CDH20: variants seen among roughly 807,000 people sequenced by gnomAD.
CDH20 encodes the protein cadherin-20.
CDH20 carries 29 observed loss-of-function variants against 74.2 expected under a neutral mutation model. The observed-to-expected ratio is 0.39, with a 90% CI of 0.29 to 0.53. The LOEUF (loss-of-function observed/expected upper bound fraction) is 0.53. Among genes scored for constraint, CDH20 ranks in the 20% least tolerant of loss-of-function variants. The pLI, the probability that CDH20 is intolerant of heterozygous loss-of-function variation, is 0.69. For missense variants in CDH20, 988 were observed against 1,048.3 expected, an observed-to-expected ratio of 0.94 and a Z score of 0.79; for synonymous variants, 469 against 405.4, an observed-to-expected ratio of 1.16 and a Z score of -1.88.
intron 8 of CDH20, among the ~76,000 whole-genome samples, chr18:61,536,832 A>G (rs142766133): frequency 5.3e-5 from 8 of 152,214 alleles, no homozygotes; most frequent in African/African-American, 1.7e-4. Flanking sequence ...GCTAGAGATA[A>G]AAGCAAACAA....
At chr18:61,538,581 T>TG (rs142450484) in intron 8 of CDH20, among the ~76,000 whole-genome samples, 28,051 of 46,682 alleles carry the variant, frequency 0.6, 8,799 homozygotes, top group East Asian at 0.78. Context: ...ATAACTACTT[T>TG]TTGTTTGTTT....
At chr18:61,342,291 G>T (rs138762980) in intron 1 of CDH20, among the ~76,000 whole-genome samples, 1 of 152,240 alleles carries the variant, frequency 6.6e-6, no homozygotes, top group African/African-American at 2.4e-5. Context: ...ATACCTCTCT[G>T]CCAGACACTG....
At chr18:61,438,767 A>G (rs1209074409) in intron 1 of CDH20, among the ~76,000 whole-genome samples, 3 of 152,176 alleles carry the variant, frequency 2.0e-5, no homozygotes, top group African/African-American at 7.2e-5. Flanking sequence ...TATATTCAAA[A>G]GAAAATAAAT....
intron 11 of CDH20, among the ~76,000 whole-genome samples, chr18:61,552,310 G>A (rs2144415269): frequency 6.7e-6 from 1 of 150,070 alleles, no homozygotes. Flanking sequence ...CCTTTCAGCT[G>A]AATAAGACCA....
chr18:61,500,372 CT>C lies in CDH20; in HGVS notation c.542-10del. 6.2e-7 allele frequency: 1 copy of C among 1,611,034 alleles called. No individual in the cohort carries two copies. The highest frequency in any genetic ancestry group is 8.5e-7 in the Non-Finnish European group (1 of 1,178,122). On this transcript the variant is annotated splice_polypyrimidine_tract_variant and intron_variant, in intron 3 of 11. Coordinates refer to ENST00000262717, the MANE Select transcript of CDH20 (RefSeq NM_031891.4). ...AGACTTGAACAGGTTTCTACCTCTT[CT>C]CTTCCCCAGGTACCTCCGTCATCCA...
At chr18:61,508,632 T>C (rs1469887222) in intron 6 of CDH20, among the ~76,000 whole-genome samples, 3 of 151,780 alleles carry the variant, frequency 2.0e-5, no homozygotes, top group Non-Finnish European at 4.4e-5. Flanking sequence ...CTATTATTAT[T>C]ATTATTATTA....
intron 1 of CDH20, among the ~76,000 whole-genome samples, chr18:61,447,824 G>A (rs764619216): frequency 6.6e-6 from 1 of 152,082 alleles, no homozygotes; most frequent in Non-Finnish European, 1.5e-5. Flanking sequence ...ATATACATGA[G>A]GTTACTCCTT....
At chr18:61,360,588 A>T (rs1182155012) in intron 1 of CDH20, among the ~76,000 whole-genome samples, 1 of 152,210 alleles carries the variant, frequency 6.6e-6, no homozygotes, top group Non-Finnish European at 1.5e-5. Context: ...TGTGCAAAGC[A>T]CTGAGGAGGC....
At chr18:61,400,838 G>A (rs986446985) in intron 1 of CDH20, among the ~76,000 whole-genome samples, 3 of 152,178 alleles carry the variant, frequency 2.0e-5, no homozygotes, top group African/African-American at 7.2e-5. Context: ...TCAGTCTTTG[G>A]TGTCCCAATA....
rs781231793 is a variant in CDH20, at chr18:61,554,613, A to C, written c.2324A>C (p.Asp775Ala). 1 of 1,607,548 alleles carries C rather than the reference A, an allele frequency of 6.2e-7. No homozygotes were observed. Among genetic ancestry groups the C allele is most frequent in the Non-Finnish European group, 8.5e-7 (1 of 1,177,808 alleles). ...ACGTCGGACTCGGAACAGAGCTTCG[A>C]CTTCCTGACGGACTGGGGGCCCCGC... ...SATSDSEQSFDFLTDWGPRFR... is the reference protein window; with the variant it reads ...SATSDSEQSFAFLTDWGPRFR... Residue 775 changes from aspartate to alanine, a missense_variant, in exon 12 of 12, where the codon GAC (aspartate) becomes GCC (alanine). Physicochemically the swap from Asp to Ala is moderately radical, Grantham distance 126. Transcript: ENST00000262717.
At chr18:61,513,598 T>C (rs1285333147) in intron 6 of CDH20, among the ~76,000 whole-genome samples, 1 of 151,860 alleles carries the variant, frequency 6.6e-6, no homozygotes, top group East Asian at 1.9e-4. Flanking sequence ...CTAGTCTCCA[T>C]GGTCTTTACA....
At chr18:61,431,463 A>G (rs919917279) in intron 1 of CDH20, among the ~76,000 whole-genome samples, 5 of 152,190 alleles carry the variant, frequency 3.3e-5, no homozygotes, top group African/African-American at 1.2e-4. Flanking sequence ...CCATTAAAGT[A>G]TGGACTAGTT....
chr18:61,373,189 T>A (rs886080818), intron 1 of CDH20, among the ~76,000 whole-genome samples: 2 of 151,998 alleles, frequency 1.3e-5, no homozygotes, highest in Non-Finnish European at 2.9e-5. Flanking sequence ...AAAAAAAGAA[T>A]GTAATTCTAA....
chr18:61,437,178 C>T (rs1359104412), intron 1 of CDH20, among the ~76,000 whole-genome samples: 2 of 152,112 alleles, frequency 1.3e-5, no homozygotes, highest in Non-Finnish European at 2.9e-5. Flanking sequence ...ATTCCATTGC[C>T]ACCATCAGCC....
chr18:61,522,845 G>A (rs923070274), intron 6 of CDH20, among the ~76,000 whole-genome samples: 4 of 152,276 alleles, frequency 2.6e-5, no homozygotes, highest in Middle Eastern at 3.4e-3. Context: ...ATGATGTTGG[G>A]AAAACTGGCT....
At chr18:61,397,636 A>T (rs1258590285) in intron 1 of CDH20, among the ~76,000 whole-genome samples, 1 of 152,126 alleles carries the variant, frequency 6.6e-6, no homozygotes, top group Non-Finnish European at 1.5e-5. Context: ...TCTGGACTGT[A>T]AATTCCAGGA....
At chr18:61,346,378 A>G (rs1910114873) in intron 1 of CDH20, among the ~76,000 whole-genome samples, 1 of 152,218 alleles carries the variant, frequency 6.6e-6, no homozygotes, top group Non-Finnish European at 1.5e-5. Context: ...TATGCATTTG[A>G]TTCTGGGCAA....
intron 1 of CDH20, among the ~76,000 whole-genome samples, chr18:61,416,306 T>C (rs558535755): frequency 2.5e-4 from 38 of 152,358 alleles, no homozygotes; most frequent in South Asian, 1.7e-3. Flanking sequence ...GGATTTATTT[T>C]AGTGCTAAAT....
At position 61,347,602 on chromosome 18, in the gene CDH20, G is replaced by A. The variant is rs532678738; in HGVS notation, c.-153+13775G>A. Among the ~76,000 whole-genome samples the A allele has an allele frequency of 9.2e-5, 14 of 151,850 alleles. 1 individual carries two copies. Among genetic ancestry groups the A allele is most frequent in the East Asian group, 5.8e-4 (3 of 5,172 alleles). ...CACAAAAACACATGCTTTGTTAAAC[G>A]TTTCTCTGGTTCCAAGGCAAATTGG... On this transcript the variant is annotated intron_variant, in intron 1 of 11. Transcript: ENST00000262717.
Sources: gnomAD v4.1 joint callset for allele counts (sites outside exome capture counted in the v4.1 genomes callset) on GRCh38, gnomAD v4.1.1 for gene constraint, MANE v1.5 for transcripts, NCBI Gene and HGNC (gene_info 2026-07-23, HGNC 2026-07-21) for gene names.